Variants in SYNE2 observed in about 807,000 individuals in gnomAD.
SYNE2 encodes the protein nesprin-2.
SYNE2 carries 431 observed loss-of-function variants against 856.3 expected under a neutral mutation model. The observed-to-expected ratio is 0.50, with a 90% CI of 0.47 to 0.55. SYNE2 has a LOEUF of 0.55. SYNE2 is among the 20% of genes least tolerant of loss of function. The pLI, the probability that SYNE2 is intolerant of heterozygous loss-of-function variation, is 0.00. For synonymous variants in SYNE2, 2,923 were observed against 2,872.3 expected, an observed-to-expected ratio of 1.02 and a Z score of -0.56; for missense variants, 8,129 against 8,023.2, an observed-to-expected ratio of 1.01 and a Z score of -0.50.
chr14:63,764,554 C>T (rs1244473142), intron 1 of SYNE2, among the ~76,000 whole-genome samples: 1 of 77,238 alleles, frequency 1.3e-5, no homozygotes, highest in Non-Finnish European at 3.1e-5. Context: ...GTTCTTTTGA[C>T]TCTTTTTTTT....
intron 1 of SYNE2, among the ~76,000 whole-genome samples, chr14:63,826,931 G>A (rs188614587): frequency 3.3e-5 from 5 of 152,198 alleles, no homozygotes; most frequent in Admixed American, 3.3e-4. Context: ...TTGAGTGGGA[G>A]AAAATATTTG....
At chr14:64,004,465 G>A (rs1209017672) in intron 30 of SYNE2, among the ~76,000 whole-genome samples, 1 of 151,990 alleles carries the variant, frequency 6.6e-6, no homozygotes, top group East Asian at 1.9e-4. Flanking sequence ...CAGTAGCTGG[G>A]ATTACAGGCA....
At chr14:63,830,261 G>A (rs1453163967) in intron 1 of SYNE2, among the ~76,000 whole-genome samples, 2 of 150,502 alleles carry the variant, frequency 1.3e-5, no homozygotes, top group African/African-American at 4.9e-5. Flanking sequence ...TAAACAGTGT[G>A]AGGTTTTTTT....
upstream of SYNE2, among the ~76,000 whole-genome samples, chr14:63,761,633 A>G (rs4902241): frequency 0.98 from 148,950 of 152,290 alleles, 72,866 homozygotes; most frequent in East Asian, 1. Context: ...GTATAGGGAG[A>G]ATACTTCTCT....
rs980743447 is a variant in SYNE2, at chr14:64,126,920, T to C, written c.13917+113T>C. 9 of 1,151,018 alleles carry C rather than the reference T, an allele frequency of 7.8e-6. No homozygotes were observed. The African/African-American group carries it at 1.4e-4, about 18-fold the overall frequency. 71.3% of individuals were successfully genotyped at this position (1,151,018 alleles called of 1,614,324 possible). A position where few individuals can be genotyped will look rare whatever the true frequency, so the allele number is the denominator to read the frequency against. On this transcript the variant is annotated intron_variant, in intron 73 of 115. Transcript: ENST00000555002. ...TGTTAATAAGAATTGCTAAGGGAAA[T>C]GATGAGACTCTTCTGTTTGTTGCTC...
At chr14:64,038,366 C>G (rs1188547204) in intron 45 of SYNE2, among the ~76,000 whole-genome samples, 10 of 152,236 alleles carry the variant, frequency 6.6e-5, no homozygotes, top group Non-Finnish European at 1.2e-4. Context: ...GACTGGGCAG[C>G]CAGGCAGAGG....
In SYNE2 at chr14:64,031,258, T is replaced by C; in HGVS notation, c.7122T>C (p.Thr2374=). 1 of 1,614,206 alleles carries C rather than the reference T, an allele frequency of 6.2e-7. No homozygotes were observed. Among genetic ancestry groups the C allele is most frequent in the Non-Finnish European group, 8.5e-7 (1 of 1,180,042 alleles). The change falls in exon 45 of 116, where the codon ACT becomes ACC. Residue 2374 remains threonine, a synonymous_variant. Transcript: ENST00000555002. The part of the protein sequence containing the change: ...KRSTEKKGKF[T]LPGREKQATS... ...CAACAGAAAAGAAAGGAAAGTTTAC[T>C]CTGCCAGGCAGAGAGAAGCAGGCCA...
rs2098580984 is a variant in SYNE2 at position 64,202,781 on chromosome 14, T to A, written c.18039-20T>A. On this transcript the variant is annotated intron_variant, in intron 99 of 115. Transcript: ENST00000555002. ...CTGGTTTTTTTTTGTTTCGTTTTGT[T>A]TTTCTGCAAATATGTGTAGGGTGAA... 8.7e-6 allele frequency: 14 copies of A among 1,613,996 alleles called. No homozygotes were observed. Among genetic ancestry groups the A allele is most frequent in the Non-Finnish European group, 1.2e-5 (14 of 1,180,024 alleles).
At position 63,865,331 on chromosome 14, in the gene SYNE2, A is replaced by G. The variant is rs377480298; in HGVS notation, c.-52+12188A>G. ...ATTATCTAGAATGGAAGAAGTGCCAACTGAAGTACAAGCAAGGTGCTGTGG... is the reference window on the plus strand; with the variant it reads ...ATTATCTAGAATGGAAGAAGTGCCAGCTGAAGTACAAGCAAGGTGCTGTGG... On this transcript the variant is annotated intron_variant, in intron 1 of 115. Coordinates refer to ENST00000555002, the MANE Select transcript of SYNE2 (RefSeq NM_182914.3). Among the ~76,000 whole-genome samples, 1,209 of 136,480 alleles carry G rather than the reference A, an allele frequency of 8.9e-3. 21 individuals carry two copies. Among genetic ancestry groups the G allele is most frequent in the African/African-American group, 0.032 (1,138 of 35,718 alleles). 89.5% of individuals were successfully genotyped at this position (136,480 alleles called of 152,430 possible). A position where few individuals can be genotyped will look rare whatever the true frequency, so the allele number is the denominator to read the frequency against.
chr14:63,776,025 T>A (rs993653999), intron 1 of SYNE2, among the ~76,000 whole-genome samples: 3 of 152,192 alleles, frequency 2.0e-5, no homozygotes, highest in Non-Finnish European at 4.4e-5. Context: ...TTAAATAGCA[T>A]CTTAATTCAC....
chr14:64,007,255 A>G (rs183024996), intron 31 of SYNE2, 33 bp downstream of exon 31: 87 of 1,602,802 alleles, frequency 5.4e-5, no homozygotes, highest in Admixed American at 2.8e-4. Context: ...CTTGAATCTG[A>G]AAAATTGTCT....
chr14:64,215,328 C>T lies in SYNE2; in HGVS notation c.19376C>T (p.Thr6459Ile), dbSNP rs2140268079. ...PENPEAYLKM[T>I]TKTLKASSGK... Reference sequence around the variant, plus strand: ...AATCCTGAGGCATATCTTAAAATGACCACAAAAACTTTGAAAGCGTCTTCT... The same window carrying T: ...AATCCTGAGGCATATCTTAAAATGATCACAAAAACTTTGAAAGCGTCTTCT... Residue 6459 changes from threonine to isoleucine, a missense_variant, in exon 107 of 116, where the codon ACC becomes ATC. Around this residue, in one of 3 missense-constraint regions of SYNE2, gnomAD observed 5,410 missense variants for 5,284.8 expected, o/e 1.02. Transcript: ENST00000555002. 6.2e-7 allele frequency: 1 copy of T among 1,614,108 alleles called. No individual in the cohort carries two copies. Among genetic ancestry groups the T allele is most frequent in the South Asian group, 1.1e-5 (1 of 91,074 alleles).
At chr14:64,073,733 AAG>A (rs2097432203) in intron 52 of SYNE2, among the ~76,000 whole-genome samples, 1 of 152,222 alleles carries the variant, frequency 6.6e-6, no homozygotes, top group Non-Finnish European at 1.5e-5. Context: ...AAAGTGTGAA[AAG>A]AGAGTATTTG....
chr14:63,793,491 G>C (rs1338516798), intron 1 of SYNE2, among the ~76,000 whole-genome samples: 1 of 152,144 alleles, frequency 6.6e-6, no homozygotes, highest in Non-Finnish European at 1.5e-5. Context: ...TTTACTTCTT[G>C]AAAGTCGAGT....
chr14:63,922,771 A>T (rs2095616160), intron 2 of SYNE2, among the ~76,000 whole-genome samples: 1 of 152,242 alleles, frequency 6.6e-6, no homozygotes, highest in South Asian at 2.1e-4. Context: ...CGATCTATTT[A>T]GACAAGTATT....
intron 22 of SYNE2, 109 bp downstream of exon 22, chr14:63,994,078 GGGCTGGT>G: frequency 8.8e-7 from 1 of 1,132,978 alleles, no homozygotes; most frequent in Non-Finnish European, 1.3e-6. Flanking sequence ...TATCACCAGT[GGGCTGGT>G]CCCTGCAGGC....
chr14:64,015,000 A>AAT, intron 32 of SYNE2, among the ~76,000 whole-genome samples: 1 of 121,764 alleles, frequency 8.2e-6, no homozygotes, highest in East Asian at 2.3e-4. Context: ...CACATATATA[A>AAT]ATATATATAT....
rs759766284 is a variant in SYNE2, at chr14:64,162,160, G to A, written c.16183G>A (p.Gly5395Ser). The A allele has an allele frequency of 1.2e-6, 2 of 1,614,218 alleles. No individual in the cohort carries two copies. The highest frequency in any genetic ancestry group is 1.7e-5 in the Admixed American group (1 of 60,034). Residue 5395 changes from glycine to serine, a missense_variant, in exon 88 of 116, where the codon GGT becomes AGT. Around this residue, in one of 3 missense-constraint regions of SYNE2, gnomAD observed 5,410 missense variants for 5,284.8 expected, o/e 1.02. Coordinates refer to ENST00000555002, the MANE Select transcript of SYNE2 (RefSeq NM_182914.3). ...QLWKAYSNAH[G>S]EAAARLKQQE... ...CTGGAAGGCCTATAGCAATGCTCAT[G>A]GTGAAGCTGCCGCAAGGCTGAAGCA... is the stretch of plus-strand genomic sequence containing the variant.
At chr14:63,806,133 T>G (rs915253191) in intron 1 of SYNE2, among the ~76,000 whole-genome samples, 1 of 152,184 alleles carries the variant, frequency 6.6e-6, no homozygotes, top group Non-Finnish European at 1.5e-5. Flanking sequence ...AGATGGCTCT[T>G]ATTATTTTGA....
Sources: allele counts gnomAD v4.1 joint callset (sites outside exome capture counted in the v4.1 genomes callset), GRCh38; gene constraint gnomAD v4.1.1; regional missense constraint gnomAD v4.1.1; transcripts MANE v1.5; gene names NCBI Gene and HGNC (gene_info 2026-07-23, HGNC 2026-07-21).